The following LSAMP variants were observed in gnomAD, a reference collection of about 807,000 sequenced individuals.
LSAMP encodes limbic system-associated membrane protein.
Under a neutral mutation model 38.6 loss-of-function variants are expected in LSAMP, and 7 were observed. That is an observed-to-expected ratio of 0.18 (90% confidence interval 0.10 to 0.34). The LOEUF is 0.34. Among genes scored for constraint, LSAMP ranks in the 10% least tolerant of loss-of-function variants. LSAMP has a pLI of 1.00. For missense variants in LSAMP, 313 were observed against 420.0 expected, an observed-to-expected ratio of 0.75 and a Z score of 2.23; for synonymous variants, 154 against 166.8, an observed-to-expected ratio of 0.92 and a Z score of 0.59.
intron 1 of LSAMP, among the ~76,000 whole-genome samples, chr3:116,089,807 A>AAAAAT (rs1240803109): frequency 6.6e-6 from 1 of 152,032 alleles, no homozygotes; most frequent in African/African-American, 2.4e-5. Flanking sequence ...ATAAATAAAT[A>AAAAAT]AAAATAAAAT....
intron 1 of LSAMP, among the ~76,000 whole-genome samples, chr3:116,338,266 G>A (rs2047948591): frequency 6.6e-6 from 1 of 151,950 alleles, no homozygotes; most frequent in Admixed American, 6.6e-5. Flanking sequence ...CTATCCTGTG[G>A]ATAAATACTG....
At chr3:115,883,427 G>A (rs2107437861) in intron 3 of LSAMP, among the ~76,000 whole-genome samples, 1 of 152,196 alleles carries the variant, frequency 6.6e-6, no homozygotes, top group East Asian at 1.9e-4. Context: ...ACCTGCACTT[G>A]GCCAGTGGTG....
rs1708045730 is a variant in LSAMP at position 116,088,541 on chromosome 3, TACTCTAG to T, written c.156-1992_156-1986del. 2.0e-5 allele frequency among the ~76,000 whole-genome samples: 3 copies of T among 152,218 alleles called. No individual in the cohort carries two copies. In the South Asian group the frequency reaches 6.2e-4, roughly 32 times the overall value. On this transcript the variant is annotated intron_variant, in intron 1 of 6. Coordinates refer to ENST00000490035, the MANE Select transcript of LSAMP (RefSeq NM_002338.5). ...TTAATTAATAGGATGTTTGGTGTCT[TACTCTAG>T]ACCATTATGAAATTGTTGAATGTAG...
intron 1 of LSAMP, among the ~76,000 whole-genome samples, chr3:116,167,987 T>G (rs186311463): frequency 6.6e-6 from 1 of 151,922 alleles, no homozygotes; most frequent in East Asian, 1.9e-4. Context: ...CATGGAAGAG[T>G]AGAATTGAAG....
intron 1 of LSAMP, among the ~76,000 whole-genome samples, chr3:116,098,093 G>C (rs1181557847): frequency 1.3e-5 from 2 of 152,146 alleles, no homozygotes; most frequent in Non-Finnish European, 2.9e-5. Flanking sequence ...GGGGACTCCA[G>C]TAGCTGCAAA....
chr3:116,427,144 C>A (rs1430715890), intron 1 of LSAMP, among the ~76,000 whole-genome samples: 2 of 135,998 alleles, frequency 1.5e-5, no homozygotes, highest in Admixed American at 1.5e-4. Context: ...GACGGAGTCT[C>A]GCTCTGTCGC....
chr3:115,961,156 G>C (rs1340257890), intron 3 of LSAMP, among the ~76,000 whole-genome samples: 1 of 152,232 alleles, frequency 6.6e-6, no homozygotes, highest in African/African-American at 2.4e-5. Context: ...GTGGAGAAAA[G>C]CTAGATATAG....
intron 3 of LSAMP, among the ~76,000 whole-genome samples, chr3:115,876,808 TC>T (rs1249364768): frequency 6.6e-6 from 1 of 152,142 alleles, no homozygotes. Flanking sequence ...ATGTTGGGAT[TC>T]TAAAATGCCA....
chr3:116,324,099 A>G (rs2107733340), intron 1 of LSAMP, among the ~76,000 whole-genome samples: 2 of 152,212 alleles, frequency 1.3e-5, no homozygotes, highest in Middle Eastern at 3.4e-3. Context: ...GTGCTTTGGT[A>G]TTGTTTATTT....
At chr3:116,131,695 T>G (rs1226801548) in intron 1 of LSAMP, among the ~76,000 whole-genome samples, 2 of 152,190 alleles carry the variant, frequency 1.3e-5, no homozygotes, top group Non-Finnish European at 1.5e-5. Context: ...ATCTTCCTCG[T>G]TGCTTAGGCT....
chr3:116,015,762 A>AT lies in LSAMP; in HGVS notation c.514+3752dup, dbSNP rs536507930. The stretch of plus-strand genomic sequence containing the variant: ...GAAAGAAACAAACTGGCCTTACCCA[A>AT]TTTTTTTTAAACTAAATTAAGAGGT... On this transcript the variant is annotated intron_variant, in intron 3 of 6. Coordinates refer to ENST00000490035, the MANE Select transcript of LSAMP (RefSeq NM_002338.5). Among the ~76,000 whole-genome samples the AT allele has an allele frequency of 5.1e-3, 774 of 151,874 alleles. 3 individuals are homozygous for AT. The highest frequency in any genetic ancestry group is 0.01 in the South Asian group (50 of 4,806).
chr3:116,283,494 T>C (rs2107684452), intron 1 of LSAMP, among the ~76,000 whole-genome samples: 1 of 152,256 alleles, frequency 6.6e-6, no homozygotes, highest in African/African-American at 2.4e-5. Flanking sequence ...AGTCTAAGTT[T>C]TGTGCTTAAA....
chr3:116,149,159 T>C (rs1459866014), intron 1 of LSAMP, among the ~76,000 whole-genome samples: 2 of 152,046 alleles, frequency 1.3e-5, no homozygotes, highest in East Asian at 3.9e-4. Context: ...CAGTTCACAG[T>C]ATGGCCCTCA....
At chr3:116,178,072 C>T (rs762000175) in intron 1 of LSAMP, among the ~76,000 whole-genome samples, 3 of 147,918 alleles carry the variant, frequency 2.0e-5, no homozygotes, top group South Asian at 2.2e-4. Context: ...TCTTTGAGGG[C>T]TATTGCTCTG....
At chr3:116,420,405 A>C (rs2049106627) in intron 1 of LSAMP, among the ~76,000 whole-genome samples, 1 of 151,588 alleles carries the variant, frequency 6.6e-6, no homozygotes, top group Admixed American at 6.6e-5. Flanking sequence ...GCCCAAACCC[A>C]TTTTTTCAGA....
At chr3:116,339,153 C>A (rs79826660) in intron 1 of LSAMP, among the ~76,000 whole-genome samples, 3,931 of 151,996 alleles carry the variant, frequency 0.026, 163 homozygotes, top group African/African-American at 0.086. Context: ...ATTTACCAGG[C>A]AGGCTTTTGA....
rs141985873 is a variant in LSAMP at position 116,039,884 on chromosome 3, G to A, written c.389-20244C>T. Among the ~76,000 whole-genome samples, 695 of 152,224 alleles carry A rather than the reference G, an allele frequency of 4.6e-3. 5 individuals carry two copies. The highest frequency in any genetic ancestry group is 0.016 in the African/African-American group (676 of 41,538). On this transcript the variant is annotated intron_variant, in intron 2 of 6. Coordinates refer to ENST00000490035, the MANE Select transcript of LSAMP (RefSeq NM_002338.5). ...TCAATGACCAGCTTGTCTCTTTAAG[G>A]TTCACCTTTCAAAGTCCTCCTTTTT...
At chr3:116,387,929 T>C (rs1248857519) in intron 1 of LSAMP, among the ~76,000 whole-genome samples, 1 of 151,346 alleles carries the variant, frequency 6.6e-6, no homozygotes, top group Non-Finnish European at 1.5e-5. Flanking sequence ...CCGTCTCTAC[T>C]AAAAATACAA....
intron 1 of LSAMP, among the ~76,000 whole-genome samples, chr3:116,208,797 C>T (rs1262279048): frequency 6.6e-6 from 1 of 152,208 alleles, no homozygotes; most frequent in Non-Finnish European, 1.5e-5. Context: ...CCACTGCTCT[C>T]TTCAGAGCTG....
Sources: gnomAD v4.1 joint callset for allele counts (sites outside exome capture counted in the v4.1 genomes callset) on GRCh38, gnomAD v4.1.1 for gene constraint, MANE v1.5 for transcripts, NCBI Gene and HGNC (gene_info 2026-07-23, HGNC 2026-07-21) for gene names.